NTNG1: variants seen among roughly 807,000 people sequenced by gnomAD.
NTNG1 encodes the protein netrin G1.
Under a neutral mutation model 54.0 loss-of-function variants are expected in NTNG1, and 16 were observed. The observed-to-expected ratio is 0.30, with a 90% CI of 0.20 to 0.45. The LOEUF is 0.45. Among genes scored for constraint, NTNG1 ranks in the 20% least tolerant of loss-of-function variants. The pLI, the probability that NTNG1 is intolerant of heterozygous loss-of-function variation, is 1.00. For missense variants in NTNG1, 530 were observed against 678.7 expected (o/e 0.78, Z 2.43); for synonymous variants, 255 against 263.1 (o/e 0.97, Z 0.30).
At chr1:107,387,142 A>T (rs1230094732) in intron 3 of NTNG1, among the ~76,000 whole-genome samples, 1 of 152,238 alleles carries the variant, frequency 6.6e-6, no homozygotes, top group Non-Finnish European at 1.5e-5. Flanking sequence ...TATGTTCTAA[A>T]CATAAATACC....
At chr1:107,344,921 G>A (rs1295615248) in intron 3 of NTNG1, among the ~76,000 whole-genome samples, 2 of 152,096 alleles carry the variant, frequency 1.3e-5, no homozygotes, top group African/African-American at 4.8e-5. Context: ...AGGAAAAAAA[G>A]TTGATTTGTG....
intron 2 of NTNG1, among the ~76,000 whole-genome samples, chr1:107,185,619 C>T (rs533010171): frequency 6.6e-6 from 1 of 152,276 alleles, no homozygotes; most frequent in Admixed American, 6.5e-5. Context: ...TTGTGGGACA[C>T]TATTGAAGTC....
In NTNG1 at chr1:107,418,310, G is replaced by T. The variant is rs568918075; in HGVS notation, c.1087+10602G>T. On this transcript the variant is annotated intron_variant, in intron 5 of 7. Transcript: ENST00000370068. ...TGCTGAAGTCCTTATTTGTATTTTT[G>T]TGTGTGTGTAAGAACACTCTACCTT... Among the ~76,000 whole-genome samples, 346 of 152,044 alleles carry T rather than the reference G, an allele frequency of 2.3e-3. 1 individual carries two copies. The highest frequency in any genetic ancestry group is 4.2e-3 in the Non-Finnish European group (286 of 67,924).
intron 2 of NTNG1, among the ~76,000 whole-genome samples, chr1:107,278,352 A>T (rs1003093832): frequency 6.6e-6 from 1 of 152,148 alleles, no homozygotes; most frequent in Non-Finnish European, 1.5e-5. Flanking sequence ...ACTCTCTTAC[A>T]TGTTGTCTTT....
At chr1:107,405,877 TAAAG>T (rs1673385478) in intron 4 of NTNG1, among the ~76,000 whole-genome samples, 1 of 151,782 alleles carries the variant, frequency 6.6e-6, no homozygotes, top group Non-Finnish European at 1.5e-5. Context: ...CAAAAAAAAA[TAAAG>T]ATTCAGTATC....
chr1:107,232,848 T>G (rs966637125), intron 2 of NTNG1, among the ~76,000 whole-genome samples: 3 of 152,160 alleles, frequency 2.0e-5, no homozygotes, highest in Non-Finnish European at 2.9e-5. Flanking sequence ...ATAGACATTA[T>G]CTGATAATGA....
chr1:107,430,754 T>C lies in NTNG1; in HGVS notation c.1092T>C (p.Cys364=). The part of the protein sequence containing the change: ...CIPSISSIGN[C]ECFGHSNRCS... ...ATTTCTGTTCTTCCTTGCAAGATTG[T>C]GAATGCTTCGGCCACTCCAATCGAT... The change falls in exon 6 of 8, where the codon TGT becomes TGC. Residue 364 remains cysteine (C), a synonymous_variant. Transcript: ENST00000370068. 1 of 1,613,244 alleles carries C rather than the reference T, an allele frequency of 6.2e-7. No homozygotes were observed. Among genetic ancestry groups the C allele is most frequent in the South Asian group, 1.1e-5 (1 of 91,076 alleles).
At chr1:107,430,692 T>C (rs531205235) in intron 5 of NTNG1, 58 bp from the exon 6 acceptor site, 92 of 1,532,416 alleles carry the variant, frequency 6.0e-5, no homozygotes, top group Non-Finnish European at 7.4e-5. Context: ...AAGCATGTAG[T>C]ATGCTATTAC....
rs554588050 is a variant in NTNG1, at chr1:107,188,195, T to C, written c.246+39356T>C. On this transcript the variant is annotated intron_variant, in intron 2 of 7. Transcript: ENST00000370068. ...AGTCCTGATTGATGTGAAGCGACAA[T>C]AGATCTGAATGAATTTGTAGAACTT... is the stretch of plus-strand genomic sequence containing the variant. 3.3e-5 allele frequency among the ~76,000 whole-genome samples: 5 copies of C among 152,220 alleles called. No homozygotes were observed. The South Asian group carries it at 1.0e-3, about 32-fold the overall frequency.
At chr1:107,165,469 T>A (rs1655722539) in intron 2 of NTNG1, among the ~76,000 whole-genome samples, 1 of 152,224 alleles carries the variant, frequency 6.6e-6, no homozygotes, top group Non-Finnish European at 1.5e-5. Flanking sequence ...TTCTTAGCAA[T>A]GCAACTGCCC....
At chr1:107,201,651 T>C (rs1658766465) in intron 2 of NTNG1, among the ~76,000 whole-genome samples, 1 of 151,908 alleles carries the variant, frequency 6.6e-6, no homozygotes. Context: ...ATTTCACATG[T>C]CAATTTGCCT....
chr1:107,337,851 A>G (rs1668678662), intron 3 of NTNG1, among the ~76,000 whole-genome samples: 1 of 152,052 alleles, frequency 6.6e-6, no homozygotes. Context: ...AGTTGGAGGA[A>G]ATAGGATGTG....
At chr1:107,452,108 T>A (rs1340097686) in intron 7 of NTNG1, among the ~76,000 whole-genome samples, 1 of 152,190 alleles carries the variant, frequency 6.6e-6, no homozygotes, top group Non-Finnish European at 1.5e-5. Flanking sequence ...TTGGGGTTGT[T>A]ATGGAATTAA....
intron 3 of NTNG1, among the ~76,000 whole-genome samples, chr1:107,329,192 A>T (rs7521751): frequency 6.6e-6 from 1 of 152,032 alleles, no homozygotes; most frequent in Admixed American, 6.6e-5. Context: ...ACTTCGACAA[A>T]ACTTTTTGGT....
chr1:107,477,692 G>T (rs1287524496), intron 7 of NTNG1, among the ~76,000 whole-genome samples: 2 of 146,356 alleles, frequency 1.4e-5, no homozygotes, highest in Admixed American at 1.4e-4. Context: ...TATCATGTGA[G>T]TTTCCCCAGT....
chr1:107,178,809 C>T (rs558502331), intron 2 of NTNG1, among the ~76,000 whole-genome samples: 1 of 152,272 alleles, frequency 6.6e-6, no homozygotes, highest in Admixed American at 6.5e-5. Flanking sequence ...GCCATGGCGA[C>T]ACACAACATA....
At chr1:107,315,502 C>T (rs560784405) in intron 2 of NTNG1, among the ~76,000 whole-genome samples, 1 of 152,294 alleles carries the variant, frequency 6.6e-6, no homozygotes, top group East Asian at 1.9e-4. Context: ...CTTCCCCAGC[C>T]TCATCCCCTT....
At chr1:107,202,164 A>T (rs1473604302) in intron 2 of NTNG1, among the ~76,000 whole-genome samples, 2 of 151,756 alleles carry the variant, frequency 1.3e-5, no homozygotes, top group Non-Finnish European at 2.9e-5. Flanking sequence ...CATGTCTCAT[A>T]ACTGGACTTC....
At chr1:107,404,651 G>C (rs114285740) in intron 4 of NTNG1, among the ~76,000 whole-genome samples, 2,651 of 152,044 alleles carry the variant, frequency 0.017, 32 homozygotes, top group Non-Finnish European at 0.028. Context: ...GTGCAGAAGG[G>C]AACAAGACAT....
Sources: allele counts gnomAD v4.1 joint callset (sites outside exome capture counted in the v4.1 genomes callset), GRCh38; gene constraint gnomAD v4.1.1; transcripts MANE v1.5; gene names NCBI Gene and HGNC (gene_info 2026-07-23, HGNC 2026-07-21).